Variants in DAB1 observed in about 807,000 individuals in gnomAD.
The protein encoded by DAB1 is disabled homolog 1.
DAB1 carries 15 observed loss-of-function variants against 64.6 expected under a neutral mutation model. The ratio of observed to expected loss-of-function variants is 0.23; its 90% CI spans 0.16 to 0.36. The LOEUF (loss-of-function observed/expected upper bound fraction) is 0.36. Among genes scored for constraint, DAB1 ranks in the 10% least tolerant of loss-of-function variants. DAB1 has a pLI of 1.00. For synonymous variants in DAB1, 235 were observed against 251.9 expected (o/e 0.93, Z 0.64); for missense variants, 596 against 706.7 (o/e 0.84, Z 1.78).
chr1:57,310,762 C>T (rs1674632485), intron 1 of DAB1, among the ~76,000 whole-genome samples: 1 of 152,174 alleles, frequency 6.6e-6, no homozygotes, highest in Admixed American at 6.5e-5. Flanking sequence ...AGAACAACCA[C>T]AAGGGTTTAA....
chr1:57,631,144 C>T (rs1224313093), intron 7 of DAB1, among the ~76,000 whole-genome samples: 2 of 152,104 alleles, frequency 1.3e-5, no homozygotes, highest in Non-Finnish European at 2.9e-5. Context: ...AACATAGCTC[C>T]TTCTCAATAC....
intron 7 of DAB1, among the ~76,000 whole-genome samples, chr1:57,544,363 C>T (rs1644834073): frequency 1.3e-5 from 2 of 152,150 alleles, no homozygotes; most frequent in African/African-American, 2.4e-5. Context: ...ATTTGTTAAT[C>T]CCTACTTCAT....
intron 1 of DAB1, among the ~76,000 whole-genome samples, chr1:58,539,858 G>C (rs1051421747): frequency 1.3e-5 from 2 of 152,146 alleles, no homozygotes; most frequent in African/African-American, 2.4e-5. Flanking sequence ...CTAAATCGAA[G>C]AGATAAAGCT....
At chr1:58,008,588 G>A (rs1478202896) in intron 5 of DAB1, among the ~76,000 whole-genome samples, 1 of 152,158 alleles carries the variant, frequency 6.6e-6, no homozygotes, top group Non-Finnish European at 1.5e-5. Flanking sequence ...TAGCGGTTCG[G>A]TGTGTGAATA....
At chr1:58,512,727 G>A (rs1166787131) in intron 2 of DAB1, among the ~76,000 whole-genome samples, 2 of 152,150 alleles carry the variant, frequency 1.3e-5, no homozygotes, top group Non-Finnish European at 2.9e-5. Flanking sequence ...GAATAGAATA[G>A]TGTTTGTCAG....
At chr1:57,129,354 CG>C (rs1657442713) in intron 4 of DAB1, among the ~76,000 whole-genome samples, 2 of 151,984 alleles carry the variant, frequency 1.3e-5, no homozygotes, top group African/African-American at 4.8e-5. Flanking sequence ...ATTAAAATCC[CG>C]TATCATCCAA....
At chr1:57,857,123 T>C (rs546180720) in intron 1 of DAB1, among the ~76,000 whole-genome samples, 2 of 152,184 alleles carry the variant, frequency 1.3e-5, no homozygotes, top group East Asian at 3.9e-4. Context: ...AAGAAGTTGG[T>C]AAGAGTATAG....
At chr1:57,410,664 G>A (rs764395380) in intron 1 of DAB1, among the ~76,000 whole-genome samples, 28 of 152,102 alleles carry the variant, frequency 1.8e-4, no homozygotes, top group African/African-American at 6.5e-4. Flanking sequence ...AAATCAAGAC[G>A]TCCTTCTCCA....
At chr1:57,887,073 A>T (rs1366895795), upstream of DAB1, among the ~76,000 whole-genome samples, 1 of 151,912 alleles carries the variant, frequency 6.6e-6, no homozygotes, top group Non-Finnish European at 1.5e-5. Context: ...GCCTCCTCCC[A>T]CCCTCACACA....
chr1:57,051,568 C>G (rs1399757565), intron 9 of DAB1, among the ~76,000 whole-genome samples: 1 of 152,108 alleles, frequency 6.6e-6, no homozygotes, highest in Non-Finnish European at 1.5e-5. Context: ...GGAAAGTCAA[C>G]CAAATACTGA....
At chr1:58,210,837 G>A (rs1308495549) in intron 4 of DAB1, among the ~76,000 whole-genome samples, 1 of 152,160 alleles carries the variant, frequency 6.6e-6, no homozygotes, top group Non-Finnish European at 1.5e-5. Flanking sequence ...ATGAGAAACT[G>A]AGATAAATTC....
Position 58,048,640 on chromosome 1 carries a change from A to G in DAB1, n.387+101871T>C, listed in dbSNP as rs1647406797. The G allele has an allele frequency of 4.1e-6, 5 of 1,228,206 alleles. No homozygotes were observed. The Admixed American group carries it at 6.7e-5, about 17-fold the overall frequency. The allele number at this position is 1,228,206 out of a possible 1,614,324, so 76.1% of individuals were successfully genotyped here. ...CACCATGACCACTAAAGTTTCCTCC[A>G]CAACCAAAGTTGTCATTCCCACTGA... On this transcript the variant is annotated intron_variant and non_coding_transcript_variant, in intron 5 of 20. Transcript: ENST00000485760.
At chr1:57,606,552 A>T (rs1207293749) in intron 7 of DAB1, among the ~76,000 whole-genome samples, 3 of 113,046 alleles carry the variant, frequency 2.7e-5, no homozygotes, top group African/African-American at 3.6e-5. Flanking sequence ...ATATAATATA[A>T]TATATTATAT....
At chr1:57,207,490 C>A (rs564770769) in intron 2 of DAB1, among the ~76,000 whole-genome samples, 1 of 116,474 alleles carries the variant, frequency 8.6e-6, no homozygotes, top group East Asian at 2.5e-4. Context: ...GTCGCCCAGG[C>A]TGGAGTGCAG....
intron 2 of DAB1, among the ~76,000 whole-genome samples, chr1:57,168,241 A>G (rs1330201727): frequency 6.6e-6 from 1 of 152,164 alleles, no homozygotes; most frequent in African/African-American, 2.4e-5. Flanking sequence ...TTCCCTTCAA[A>G]CCCAATAAAA....
intron 3 of DAB1, among the ~76,000 whole-genome samples, chr1:58,440,587 T>C (rs1644996972): frequency 1.3e-5 from 2 of 152,202 alleles, no homozygotes; most frequent in Admixed American, 1.3e-4. Context: ...ATGGTCTTAT[T>C]TGTATAATGG....
At chr1:57,492,094 T>G (rs1013365976) in intron 7 of DAB1, among the ~76,000 whole-genome samples, 7 of 152,192 alleles carry the variant, frequency 4.6e-5, no homozygotes, top group Non-Finnish European at 1.0e-4. Context: ...GTTGTCAAAC[T>G]AAGAGATCTG....
chr1:57,525,869 G>A (rs914945512), intron 7 of DAB1, among the ~76,000 whole-genome samples: 1 of 151,894 alleles, frequency 6.6e-6, no homozygotes, highest in African/African-American at 2.4e-5. Flanking sequence ...TTCATTAAAA[G>A]CTATTTTATA....
At chr1:57,830,867 G>T (rs2101904003) in intron 1 of DAB1, among the ~76,000 whole-genome samples, 1 of 152,218 alleles carries the variant, frequency 6.6e-6, no homozygotes, top group South Asian at 2.1e-4. Flanking sequence ...TCCCAAGTGG[G>T]CTTCTTTAGG....
Sources: gnomAD v4.1 joint callset for allele counts (sites outside exome capture counted in the v4.1 genomes callset) on GRCh38, gnomAD v4.1.1 for gene constraint, MANE v1.5 for transcripts, NCBI Gene and HGNC (gene_info 2026-07-23, HGNC 2026-07-21) for gene names.